ME3: variants seen among roughly 807,000 people sequenced by gnomAD.
ME3 encodes the protein malic enzyme 3, also known as NADP-dependent malic enzyme, mitochondrial.
ME3 carries 48 observed loss-of-function variants against 68.9 expected under a neutral mutation model. The observed-to-expected ratio is 0.70, with a 90% CI of 0.55 to 0.89. The LOEUF (loss-of-function observed/expected upper bound fraction) is 0.89. Ranked by LOEUF, ME3 falls within the 40% of genes least tolerant of loss-of-function variation. The pLI, the probability that ME3 is intolerant of heterozygous loss-of-function variation, is 0.00. For missense variants in ME3, 675 were observed against 797.4 expected (o/e 0.85, Z 1.85); for synonymous variants, 320 against 318.8 (o/e 1.00, Z -0.04).
chr11:86,563,787 T>C (rs183926296), intron 2 of ME3, among the ~76,000 whole-genome samples: 1 of 152,326 alleles, frequency 6.6e-6, no homozygotes. Context: ...CTGAGTTTTC[T>C]CTTCTGTTCC....
At chr11:86,612,149 G>A (rs976166660) in intron 2 of ME3, among the ~76,000 whole-genome samples, 6 of 152,160 alleles carry the variant, frequency 3.9e-5, no homozygotes, top group African/African-American at 1.4e-4. Flanking sequence ...ACTTATGAGT[G>A]AGAACATGTG....
intron 4 of ME3, among the ~76,000 whole-genome samples, chr11:86,537,252 A>C (rs1433423243): frequency 1.3e-5 from 2 of 151,558 alleles, no homozygotes; most frequent in East Asian, 3.9e-4. Flanking sequence ...TAACCTGCAC[A>C]ATGTGCACAT....
At chr11:86,613,706 C>A (rs183353360) in intron 2 of ME3, among the ~76,000 whole-genome samples, 1 of 152,252 alleles carries the variant, frequency 6.6e-6, no homozygotes, top group East Asian at 1.9e-4. Flanking sequence ...CATGAATGAA[C>A]TCCCAGTCAC....
At chr11:86,567,243 A>AAAGAAAGGAAGGAAGGAAGGAAGG (rs869098620) in intron 2 of ME3, among the ~76,000 whole-genome samples, 1 of 144,458 alleles carries the variant, frequency 6.9e-6, no homozygotes, top group African/African-American at 2.6e-5. Context: ...GAAAAGAAAG[A>AAAGAAAGGAAGGAAGGAAGGAAGG]AAGGAAGGAA....
chr11:86,531,447 C>T (rs1955223736), intron 4 of ME3, among the ~76,000 whole-genome samples: 1 of 152,180 alleles, frequency 6.6e-6, no homozygotes, highest in African/African-American at 2.4e-5. Context: ...GTGGCAATTC[C>T]TCAGGGATCT....
At chr11:86,483,098 G>A (rs1217503144) in intron 7 of ME3, among the ~76,000 whole-genome samples, 2 of 152,172 alleles carry the variant, frequency 1.3e-5, no homozygotes, top group African/African-American at 2.4e-5. Context: ...ACAAAGGCCC[G>A]ACAAGTAACA....
rs754170121 is a variant in ME3 at position 86,521,425 on chromosome 11, A to AAAATAATAATAATAATAATAATAAT, written c.468-12559_468-12558insATTATTATTATTATTATTATTATTT. ...CAAACAAACAAAACAAAACAAAACA[A>AAAATAATAATAATAATAATAATAAT]AACAAAAATAATAATAATAATAATA... On this transcript the variant is annotated intron_variant, in intron 4 of 14. Coordinates refer to ENST00000543262, the Ensembl canonical transcript of ME3. Among the ~76,000 whole-genome samples the AAAATAATAATAATAATAATAATAAT allele has an allele frequency of 2.1e-4, 25 of 118,288 alleles. 1 individual carries two copies. The highest frequency in any genetic ancestry group is 1.3e-3 in the South Asian group (5 of 3,792). 77.6% of individuals were successfully genotyped at this position (118,288 alleles called of 152,430 possible).
intron 7 of ME3, among the ~76,000 whole-genome samples, chr11:86,480,243 A>G (rs189162058): frequency 1.3e-5 from 2 of 152,336 alleles, no homozygotes; most frequent in Admixed American, 1.3e-4. Context: ...TGCTGCTTCA[A>G]GCTTCTATGA....
intron 2 of ME3, among the ~76,000 whole-genome samples, chr11:86,617,288 T>C (rs1159281509): frequency 6.6e-6 from 1 of 151,926 alleles, no homozygotes; most frequent in Non-Finnish European, 1.5e-5. Context: ...TGGCACAAGG[T>C]AAGCACTCAA....
intron 2 of ME3, among the ~76,000 whole-genome samples, chr11:86,646,864 C>T (rs1352140963): frequency 1.3e-5 from 2 of 152,194 alleles, no homozygotes; most frequent in Non-Finnish European, 2.9e-5. Flanking sequence ...TCTGCAGAAA[C>T]CCTACAAGCC....
At chr11:86,523,744 A>T (rs942239104) in intron 4 of ME3, among the ~76,000 whole-genome samples, 1 of 152,150 alleles carries the variant, frequency 6.6e-6, no homozygotes, top group African/African-American at 2.4e-5. Context: ...GCTGATGAAG[A>T]AGGCCTTGAA....
chr11:86,656,689 G>A (rs1318499845), intron 2 of ME3, among the ~76,000 whole-genome samples: 1 of 152,034 alleles, frequency 6.6e-6, no homozygotes, highest in Non-Finnish European at 1.5e-5. Context: ...CATGGCACAT[G>A]TATACATATG....
chr11:86,575,784 CA>C (rs1348439304), intron 2 of ME3, among the ~76,000 whole-genome samples: 1 of 152,188 alleles, frequency 6.6e-6, no homozygotes, highest in Non-Finnish European at 1.5e-5. Context: ...TTCATTTTTG[CA>C]ACCGCAATAC....
intron 2 of ME3, among the ~76,000 whole-genome samples, chr11:86,596,984 C>T: frequency 6.6e-6 from 1 of 152,314 alleles, no homozygotes; most frequent in East Asian, 1.9e-4. Context: ...CCTCTGACAA[C>T]AGGCAGCTGG....
intron 3 of ME3, among the ~76,000 whole-genome samples, chr11:86,557,405 T>A (rs1309895181): frequency 6.6e-6 from 1 of 152,172 alleles, no homozygotes; most frequent in Non-Finnish European, 1.5e-5. Flanking sequence ...ACTGCTAATA[T>A]CACAACCTTT....
intron 2 of ME3, among the ~76,000 whole-genome samples, chr11:86,642,097 T>G (rs1401423778): frequency 1.3e-5 from 2 of 152,180 alleles, no homozygotes; most frequent in Non-Finnish European, 2.9e-5. Context: ...AGGGCCAAAT[T>G]TGTGAAAGGT....
chr11:86,530,209 C>T (rs1348483035), intron 4 of ME3, among the ~76,000 whole-genome samples: 2 of 151,250 alleles, frequency 1.3e-5, no homozygotes, highest in East Asian at 1.9e-4. Context: ...ACACCAATAA[C>T]AGACAGAGAG....
chr11:86,489,881 G>T (rs865904783), intron 6 of ME3, among the ~76,000 whole-genome samples: 3 of 152,042 alleles, frequency 2.0e-5, no homozygotes, highest in Middle Eastern at 3.2e-3. Flanking sequence ...CAAAGGACCC[G>T]AGAGGTAGGT....
intron 2 of ME3, among the ~76,000 whole-genome samples, chr11:86,605,607 G>A (rs911060092): frequency 3.3e-5 from 5 of 152,122 alleles, no homozygotes; most frequent in Admixed American, 1.3e-4. Flanking sequence ...GTATGAACAA[G>A]TATTTTTTGT....
Sources: allele counts gnomAD v4.1 joint callset (sites outside exome capture counted in the v4.1 genomes callset), GRCh38; gene constraint gnomAD v4.1.1; transcripts MANE v1.5; gene names NCBI Gene and HGNC (gene_info 2026-07-23, HGNC 2026-07-21).